The following ESYT2 variants were observed in gnomAD, a reference collection of about 807,000 sequenced individuals.
The protein encoded by ESYT2 is extended synaptotagmin 2, also known as extended synaptotagmin-2.
A neutral mutation model predicts 107.2 loss-of-function variants in ESYT2; 54 were observed. That is an observed-to-expected ratio of 0.50 (90% CI 0.40 to 0.63). The LOEUF (loss-of-function observed/expected upper bound fraction) is 0.63. Among genes scored for constraint, ESYT2 ranks in the 30% least tolerant of loss-of-function variants. ESYT2 has a pLI of 0.00. For synonymous variants in ESYT2, 491 were observed against 434.1 expected, an observed-to-expected ratio of 1.13 and a Z score of -1.63; for missense variants, 1,020 against 1,094.5, an observed-to-expected ratio of 0.93 and a Z score of 0.96.
Position 158,811,649 on chromosome 7 carries a change from C to T in ESYT2, c.331-12577G>A, listed in dbSNP as rs567165146. On this transcript the variant is annotated intron_variant, in intron 1 of 22. Coordinates refer to ENST00000275418, the MANE Select transcript of ESYT2 (RefSeq NM_001367773.1). ...GAAACATTGCAGGATTCAGGGGAGG[C>T]GGAGACCACAGAGTGGTGAGTCAAC... Among the ~76,000 whole-genome samples the T allele has an allele frequency of 6.5e-4, 99 of 152,286 alleles. 1 individual carries two copies. Among genetic ancestry groups the T allele is most frequent in the African/African-American group, 2.2e-3 (90 of 41,548 alleles).
At chr7:158,766,597 C>CA (rs1406881098) in intron 8 of ESYT2, among the ~76,000 whole-genome samples, 3 of 152,206 alleles carry the variant, frequency 2.0e-5, no homozygotes, top group Admixed American at 2.0e-4. Flanking sequence ...GATACCTCTG[C>CA]ATGTCTGTTA....
In ESYT2 at chr7:158,788,351, A is replaced by G; in HGVS notation, c.651T>C (p.Ser217=). The change falls in exon 5 of 23, where the codon AGT becomes AGC. Residue 217 remains serine, a synonymous_variant. Transcript: ENST00000275418. Reference sequence around the variant, plus strand: ...AAAAAAACAAAAAACTTACCTGGATACTTTTCACACCAGCTCTACAAAAAT... The same window carrying G: ...AAAAAAACAAAAAACTTACCTGGATGCTTTTCACACCAGCTCTACAAAAAT... The part of the protein sequence containing the change: ...KRYFCRAGVK[S]IQIHGTMRVI... 6.2e-7 allele frequency: 1 copy of G among 1,609,340 alleles called. No homozygotes were observed. Among genetic ancestry groups the G allele is most frequent in the Non-Finnish European group, 8.5e-7 (1 of 1,178,710 alleles).
At chr7:158,822,463 T>C (rs1840312203) in intron 1 of ESYT2, among the ~76,000 whole-genome samples, 1 of 152,150 alleles carries the variant, frequency 6.6e-6, no homozygotes, top group Non-Finnish European at 1.5e-5. Context: ...AGCATCCGTG[T>C]TTAAGGGACT....
intron 4 of ESYT2, among the ~76,000 whole-genome samples, chr7:158,791,147 T>G (rs776255441): frequency 4.6e-5 from 7 of 152,152 alleles, no homozygotes; most frequent in African/African-American, 7.2e-5. Context: ...ATTCCGCTTC[T>G]GTCTATGAGT....
intron 4 of ESYT2, among the ~76,000 whole-genome samples, chr7:158,789,915 A>T (rs1289135834): frequency 6.6e-6 from 1 of 152,222 alleles, no homozygotes; most frequent in African/African-American, 2.4e-5. Context: ...ACCAGACTGC[A>T]CCTTCAAAAT....
At chr7:158,762,446 T>C (rs1028511665) in intron 10 of ESYT2, among the ~76,000 whole-genome samples, 4 of 152,226 alleles carry the variant, frequency 2.6e-5, no homozygotes, top group African/African-American at 9.6e-5. Flanking sequence ...GGGCCATTCT[T>C]GATGAGGTAT....
chr7:158,821,164 C>T (rs1840275711), intron 1 of ESYT2, among the ~76,000 whole-genome samples: 1 of 152,138 alleles, frequency 6.6e-6, no homozygotes, highest in African/African-American at 2.4e-5. Context: ...TCTGGAAAAA[C>T]CTCCATAAAT....
chr7:158,815,532 T>A (rs12672790), intron 1 of ESYT2, among the ~76,000 whole-genome samples: 16,374 of 152,092 alleles, frequency 0.11, 1,345 homozygotes, highest in East Asian at 0.43. Flanking sequence ...GCCAAATGTA[T>A]CTTGCTAAAC....
At chr7:158,768,087 A>C (rs999163317) in intron 7 of ESYT2, among the ~76,000 whole-genome samples, 3 of 152,248 alleles carry the variant, frequency 2.0e-5, no homozygotes, top group African/African-American at 7.2e-5. Flanking sequence ...AATACACTTC[A>C]TAATTTCCTA....
chr7:158,738,344 GACACACACACACACACACACACAC>G (rs199580275), intron 19 of ESYT2, among the ~76,000 whole-genome samples: 1 of 131,312 alleles, frequency 7.6e-6, no homozygotes, highest in Non-Finnish European at 1.6e-5. Context: ...CACACACACA[GACACACACACACACACACACACAC>G]ACACACACAC....
At chr7:158,747,549 C>T (rs889177155) in intron 16 of ESYT2, among the ~76,000 whole-genome samples, 1 of 152,118 alleles carries the variant, frequency 6.6e-6, no homozygotes, top group South Asian at 2.1e-4. Flanking sequence ...TCCTATCTAC[C>T]CACTAACACC....
At position 158,734,255 on chromosome 7, in the gene ESYT2, GAGAA is replaced by G; in HGVS notation, c.2556-7_2556-4del. Reference sequence around the variant, plus strand: ...TCCCATCTTCCGTGAGGTCATACCTGAGAAAGACAGTGACAGGAAGGTGGTGACG... The same window carrying G: ...TCCCATCTTCCGTGAGGTCATACCTGAGACAGTGACAGGAAGGTGGTGACG... On this transcript the variant is annotated splice_region_variant and splice_polypyrimidine_tract_variant and intron_variant, in intron 22 of 22. Coordinates refer to ENST00000275418, the MANE Select transcript of ESYT2 (RefSeq NM_001367773.1). The G allele has an allele frequency of 6.2e-7, 1 of 1,614,138 alleles. No homozygotes were observed. The highest frequency in any genetic ancestry group is 1.1e-5 in the South Asian group (1 of 91,060).
At chr7:158,792,236 T>C (rs1246283200) in intron 4 of ESYT2, among the ~76,000 whole-genome samples, 29 of 151,284 alleles carry the variant, frequency 1.9e-4, no homozygotes, top group Admixed American at 1.9e-3. Flanking sequence ...AAAGATTAAT[T>C]CCTTCCCCTG....
chr7:158,733,991 AG>A lies in ESYT2; in HGVS notation c.*215del. 1 of 561,432 alleles carries A rather than the reference AG, an allele frequency of 1.8e-6. No individual in the cohort carries two copies. Among genetic ancestry groups the A allele is most frequent in the South Asian group, 2.0e-5 (1 of 48,996 alleles). 34.8% of individuals were successfully genotyped at this position (561,432 alleles called of 1,614,324 possible). A position where few individuals can be genotyped will look rare whatever the true frequency, so the allele number is the denominator to read the frequency against. On this transcript the variant is annotated 3_prime_UTR_variant, in exon 23 of 23. Transcript: ENST00000275418. Reference sequence around the variant, plus strand: ...CTACCGCCGCCCTACTGCACGTTGTAGGAACTGGCGAAATCCTAGAGGAAAT... The same window carrying A: ...CTACCGCCGCCCTACTGCACGTTGTAGAACTGGCGAAATCCTAGAGGAAAT...
At chr7:158,742,184 C>T (rs529575989) in intron 17 of ESYT2, among the ~76,000 whole-genome samples, 1 of 152,296 alleles carries the variant, frequency 6.6e-6, no homozygotes, top group African/African-American at 2.4e-5. Context: ...TCAAGAGATC[C>T]TCCCGCCTCA....
chr7:158,814,756 C>A (rs1840103775), intron 1 of ESYT2, among the ~76,000 whole-genome samples: 2 of 152,226 alleles, frequency 1.3e-5, no homozygotes, highest in Admixed American at 1.3e-4. Context: ...GGGCTGGGCC[C>A]AGCTCCCAGG....
intron 1 of ESYT2, among the ~76,000 whole-genome samples, chr7:158,799,966 G>A (rs542581592): frequency 7.2e-5 from 11 of 152,090 alleles, no homozygotes; most frequent in African/African-American, 2.7e-4. Flanking sequence ...TTTTCTATGC[G>A]TTTATAAGCA....
intron 3 of ESYT2, among the ~76,000 whole-genome samples, chr7:158,795,156 A>C (rs1418795001): frequency 2.0e-5 from 3 of 152,248 alleles, no homozygotes; most frequent in Non-Finnish European, 4.4e-5. Context: ...AGTCTTGGTC[A>C]GCACACAGTC....
At chr7:158,809,474 C>CAAAA (rs67422901) in intron 1 of ESYT2, among the ~76,000 whole-genome samples, 725 of 49,524 alleles carry the variant, frequency 0.015, 39 homozygotes, top group African/African-American at 0.061. Context: ...GAATCCATCT[C>CAAAA]AAAAAAAAAA....
Sources: gnomAD v4.1 joint callset for allele counts (sites outside exome capture counted in the v4.1 genomes callset) on GRCh38, gnomAD v4.1.1 for gene constraint, MANE v1.5 for transcripts, NCBI Gene and HGNC (gene_info 2026-07-23, HGNC 2026-07-21) for gene names.